TP63: variants seen among roughly 807,000 people sequenced by gnomAD.
The protein encoded by TP63 is tumor protein p63.
A neutral mutation model predicts 82.8 loss-of-function variants in TP63; 17 were observed. The observed-to-expected ratio is 0.21, with a 90% CI of 0.14 to 0.31. The LOEUF (loss-of-function observed/expected upper bound fraction) is 0.31, where lower values mean the gene tolerates loss of function less well. Among genes scored for constraint, TP63 ranks in the 10% least tolerant of loss-of-function variants. TP63 has a pLI of 1.00. For synonymous variants in TP63, 330 were observed against 321.7 expected (o/e 1.03, Z -0.28); for missense variants, 648 against 895.3 (o/e 0.72, Z 3.52).
At chr3:189,743,310 A>G (rs954802454) in intron 3 of TP63, among the ~76,000 whole-genome samples, 1 of 152,182 alleles carries the variant, frequency 6.6e-6, no homozygotes, top group Non-Finnish European at 1.5e-5. Context: ...ATAATAACCA[A>G]TGCTAGTGAG....
chr3:189,694,429 A>G (rs1717185055), intron 1 of TP63, among the ~76,000 whole-genome samples: 1 of 152,166 alleles, frequency 6.6e-6, no homozygotes, highest in Admixed American at 6.5e-5. Flanking sequence ...GTATTTAGCC[A>G]TCATGTTGCC....
chr3:189,897,269 T>G lies in TP63; in HGVS notation c.*2767T>G, dbSNP rs1420489419. 1 of 191,762 alleles carries G rather than the reference T, an allele frequency of 5.2e-6. No individual in the cohort carries two copies. The highest frequency in any genetic ancestry group is 8.4e-5 in the East Asian group (1 of 11,858). The allele number at this position is 191,762 out of a possible 1,614,324, so 11.9% of individuals were successfully genotyped here. A position where few individuals can be genotyped will look rare whatever the true frequency, so the allele number is the denominator to read the frequency against. ...AATTTAAAAAATAAATAAAAACTAATTAAGAAATTGTGTGTGTGTCTATCT... is the reference window on the plus strand; with the variant it reads ...AATTTAAAAAATAAATAAAAACTAAGTAAGAAATTGTGTGTGTGTCTATCT... On this transcript the variant is annotated 3_prime_UTR_variant, in exon 14 of 14. Coordinates refer to ENST00000264731, the MANE Select transcript of TP63 (RefSeq NM_003722.5).
chr3:189,791,459 T>C (rs568588566), intron 3 of TP63, among the ~76,000 whole-genome samples: 2 of 152,236 alleles, frequency 1.3e-5, no homozygotes, highest in Admixed American at 6.5e-5. Flanking sequence ...AAGAGTCATA[T>C]TGTATGTGAG....
Position 189,808,457 on chromosome 3 carries a change from C to T in TP63, c.510C>T (p.Asp170=). ...SPSPAIPSNT[D]YPGPHSFDVS... is the part of the protein sequence containing the mutation. ...CACCCGCCATCCCCTCCAACACCGA[C>T]TACCCAGGCCCGCACAGTTTCGACG... The change falls in exon 4 of 14, where the codon GAC becomes GAT. Residue 170 remains aspartate (D), a synonymous_variant. Transcript: ENST00000264731. 2 of 1,614,240 alleles carry T rather than the reference C, an allele frequency of 1.2e-6. No individual in the cohort carries two copies. The highest frequency in any genetic ancestry group is 1.7e-6 in the Non-Finnish European group (2 of 1,180,042).
intron 3 of TP63, among the ~76,000 whole-genome samples, chr3:189,755,106 A>G (rs979748510): frequency 1.3e-5 from 2 of 152,152 alleles, no homozygotes; most frequent in African/African-American, 4.8e-5. Flanking sequence ...CCTCATTTGT[A>G]TAGATAAACA....
chr3:189,875,331 G>C (rs1235784032), intron 10 of TP63, among the ~76,000 whole-genome samples: 1 of 151,752 alleles, frequency 6.6e-6, no homozygotes, highest in East Asian at 1.9e-4. Flanking sequence ...ACTTTGGTAG[G>C]CCAAGGTGGG....
chr3:189,862,885 G>A lies in TP63; in HGVS notation c.580-1347G>A, dbSNP rs138246138. Among the ~76,000 whole-genome samples the A allele has an allele frequency of 6.7e-3, 1,016 of 152,236 alleles. 9 individuals carry two copies. Among genetic ancestry groups the A allele is most frequent in the African/African-American group, 0.023 (974 of 41,530 alleles). ...TTGCTGCGTCTAATCCATGGCCTGCGGACATGGAGGACTGATTTTGCAATA... is the reference window on the plus strand; with the variant it reads ...TTGCTGCGTCTAATCCATGGCCTGCAGACATGGAGGACTGATTTTGCAATA... On this transcript the variant is annotated intron_variant, in intron 4 of 13. Coordinates refer to ENST00000264731, the MANE Select transcript of TP63 (RefSeq NM_003722.5).
chr3:189,657,040 A>C (rs143035746), intron 1 of TP63, among the ~76,000 whole-genome samples: 2 of 151,832 alleles, frequency 1.3e-5, no homozygotes, highest in African/African-American at 4.8e-5. Context: ...AAAAGACAAC[A>C]AGAATCTCAA....
intron 1 of TP63, among the ~76,000 whole-genome samples, chr3:189,654,980 A>C (rs1713208745): frequency 6.6e-6 from 1 of 152,142 alleles, no homozygotes; most frequent in Non-Finnish European, 1.5e-5. Flanking sequence ...ACAGTTCTTG[A>C]ACTATATAGG....
chr3:189,868,719 A>G lies in TP63; in HGVS notation c.1129+3A>G, dbSNP rs925614027. On this transcript the variant is annotated splice_donor_region_variant and intron_variant, in intron 8 of 13. Coordinates refer to ENST00000264731, the MANE Select transcript of TP63 (RefSeq NM_003722.5). ...GAACGGTGATGGTACGAAGCGCCGTAAGTAGATGTAGTGGCCAAATGGGGT... is the reference window on the plus strand; with the variant it reads ...GAACGGTGATGGTACGAAGCGCCGTGAGTAGATGTAGTGGCCAAATGGGGT... 6.2e-7 allele frequency: 1 copy of G among 1,613,946 alleles called. No individual in the cohort carries two copies. The highest frequency in any genetic ancestry group is 8.5e-7 in the Non-Finnish European group (1 of 1,179,890).
chr3:189,846,870 A>T (rs1037073475), intron 4 of TP63, among the ~76,000 whole-genome samples: 1 of 151,240 alleles, frequency 6.6e-6, no homozygotes, highest in Non-Finnish European at 1.5e-5. Context: ...TTTAGTAGAG[A>T]TGGGGTTTCA....
At chr3:189,676,525 G>T (rs954415838) in intron 1 of TP63, among the ~76,000 whole-genome samples, 1 of 151,748 alleles carries the variant, frequency 6.6e-6, no homozygotes, top group African/African-American at 2.4e-5. Flanking sequence ...ATATGTATTT[G>T]TATTATATAG....
intron 13 of TP63, among the ~76,000 whole-genome samples, chr3:189,891,723 A>G (rs985468475): frequency 2.0e-5 from 3 of 152,168 alleles, no homozygotes; most frequent in Admixed American, 2.0e-4. Flanking sequence ...ACTCCTGCTC[A>G]CACGGGAGCT....
intron 3 of TP63, among the ~76,000 whole-genome samples, chr3:189,785,945 C>T (rs1724568572): frequency 6.6e-6 from 1 of 151,846 alleles, no homozygotes; most frequent in South Asian, 2.1e-4. Flanking sequence ...ATTGTCAGCC[C>T]CTGTACCTGC....
intron 4 of TP63, among the ~76,000 whole-genome samples, chr3:189,823,214 T>G (rs993354626): frequency 6.6e-6 from 1 of 152,218 alleles, no homozygotes; most frequent in African/African-American, 2.4e-5. Context: ...ACAGTGACTC[T>G]TCTTTTCTCT....
At position 189,799,921 on chromosome 3, in the gene TP63, A is replaced by G. The variant is rs544466918; in HGVS notation, c.325-8351A>G. On this transcript the variant is annotated intron_variant, in intron 3 of 13. Coordinates refer to ENST00000264731, the MANE Select transcript of TP63 (RefSeq NM_003722.5). ...AAGAACTGTCTCCTGAGCATCTATTATGTTTCAGCCATTATCCCAGGTATT... is the reference window on the plus strand; with the variant it reads ...AAGAACTGTCTCCTGAGCATCTATTGTGTTTCAGCCATTATCCCAGGTATT... 1.2e-3 allele frequency among the ~76,000 whole-genome samples: 183 copies of G among 152,286 alleles called. 1 individual carries two copies. The highest frequency in any genetic ancestry group is 2.1e-3 in the Non-Finnish European group (141 of 68,004).
chr3:189,838,547 A>G (rs748528435), intron 4 of TP63, among the ~76,000 whole-genome samples: 6 of 152,202 alleles, frequency 3.9e-5, no homozygotes, highest in Non-Finnish European at 5.9e-5. Flanking sequence ...TGTTGCAAGT[A>G]GAGGAAAGGG....
intron 3 of TP63, among the ~76,000 whole-genome samples, chr3:189,778,409 A>G (rs994413780): frequency 1.3e-5 from 2 of 152,096 alleles, no homozygotes; most frequent in African/African-American, 4.8e-5. Flanking sequence ...TTCATTTTTT[A>G]TTGTCTTGAT....
chr3:189,774,308 ATAGTTT>A (rs1248361412), intron 3 of TP63, among the ~76,000 whole-genome samples: 1 of 152,248 alleles, frequency 6.6e-6, no homozygotes, highest in Non-Finnish European at 1.5e-5. Context: ...CTTCATATTT[ATAGTTT>A]GTCTAAAGAA....
Sources: allele counts gnomAD v4.1 joint callset (sites outside exome capture counted in the v4.1 genomes callset), GRCh38; gene constraint gnomAD v4.1.1; transcripts MANE v1.5; gene names NCBI Gene and HGNC (gene_info 2026-07-23, HGNC 2026-07-21).